The following NAA35 variants were observed in gnomAD, a reference collection of about 807,000 sequenced individuals.
NAA35 encodes the protein N-alpha-acetyltransferase 35, NatC auxiliary subunit.
Under a neutral mutation model 101.7 loss-of-function variants are expected in NAA35, and 18 were observed. The ratio of observed to expected loss-of-function variants is 0.18; its 90% CI spans 0.12 to 0.26. The LOEUF (loss-of-function observed/expected upper bound fraction) is 0.26, where lower values mean the gene tolerates loss of function less well. Among genes scored for constraint, NAA35 ranks in the 10% least tolerant of loss-of-function variants. The pLI is 1.00. For missense variants in NAA35, 601 were observed against 886.8 expected (o/e 0.68, Z 4.09); for synonymous variants, 267 against 273.1 (o/e 0.98, Z 0.22).
intron 6 of NAA35, chr9:85,966,563 T>C: frequency 9.4e-7 from 1 of 1,068,604 alleles, no homozygotes; most frequent in Non-Finnish European, 1.2e-6. Flanking sequence ...TTTCTTTCTT[T>C]TTTTTTTAAC....
chr9:85,942,879 ATTC>A (rs755878486), intron 2 of NAA35, among the ~76,000 whole-genome samples: 4 of 152,290 alleles, frequency 2.6e-5, no homozygotes, highest in South Asian at 4.1e-4. Context: ...CTTTCACACA[ATTC>A]TTCTTAAGTG....
rs1832711744 is a variant in NAA35, at chr9:86,024,753, T to G, written c.*2793T>G. On this transcript the variant is annotated 3_prime_UTR_variant, in exon 23 of 23. Transcript: ENST00000361671. ...TAGGAGACCAGGTTTGGGATAAAGA[T>G]TGCTTTAGACATTGAGATATCTTTG... Among the ~76,000 whole-genome samples, 1 of 152,112 alleles carries G rather than the reference T, an allele frequency of 6.6e-6. No homozygotes were observed. The highest frequency in any genetic ancestry group is 1.5e-5 in the Non-Finnish European group (1 of 68,012).
intron 2 of NAA35, 124 bp downstream of exon 2, chr9:85,942,407 A>C: frequency 7.7e-7 from 1 of 1,301,252 alleles, no homozygotes; most frequent in Non-Finnish European, 1.1e-6. Flanking sequence ...TTTGTTAGCC[A>C]CACTTATTCT....
Position 85,941,171 on chromosome 9 carries a change from CG to C in NAA35, c.-105del. ...ATACGCATGCGTGCACGCTGCCGGT[CG>C]GGCTGGGCTGAGAGGGGAGGGGGCG... is the stretch of plus-strand genomic sequence containing the variant. On this transcript the variant is annotated 5_prime_UTR_variant, in exon 1 of 23. Transcript: ENST00000361671. 1.0e-6 allele frequency: 1 copy of C among 985,690 alleles called. No homozygotes were observed. The highest frequency in any genetic ancestry group is 1.2e-6 in the Non-Finnish European group (1 of 830,136). 61.1% of individuals were successfully genotyped at this position (985,690 alleles called of 1,614,324 possible). A position where few individuals can be genotyped will look rare whatever the true frequency, so the allele number is the denominator to read the frequency against.
chr9:85,967,011 G>T (rs1188840247), intron 6 of NAA35, among the ~76,000 whole-genome samples: 1 of 151,696 alleles, frequency 6.6e-6, no homozygotes, highest in Non-Finnish European at 1.5e-5. Flanking sequence ...GGAGGCTGAG[G>T]TGGGAGAATC....
At chr9:85,967,219 A>T (rs986887877) in intron 6 of NAA35, among the ~76,000 whole-genome samples, 1 of 152,194 alleles carries the variant, frequency 6.6e-6, no homozygotes, top group Admixed American at 6.5e-5. Flanking sequence ...TAAATTATGG[A>T]TAATTGATTA....
intron 6 of NAA35, among the ~76,000 whole-genome samples, chr9:85,966,237 G>A (rs1829740104): frequency 6.6e-6 from 1 of 152,120 alleles, no homozygotes; most frequent in South Asian, 2.1e-4. Context: ...CACCACACCT[G>A]ACCTGTAATT....
At chr9:85,972,447 G>A in intron 6 of NAA35, among the ~76,000 whole-genome samples, 1 of 146,426 alleles carries the variant, frequency 6.8e-6, no homozygotes, top group East Asian at 2.0e-4. Flanking sequence ...GCGGGGTGGA[G>A]GTTACAGTGA....
chr9:85,988,054 A>G lies in NAA35; in HGVS notation c.878-8345A>G, dbSNP rs193135968. Among the ~76,000 whole-genome samples the G allele has an allele frequency of 2.9e-3, 439 of 152,362 alleles. 5 individuals are homozygous for G. In the South Asian group the frequency reaches 0.034, roughly 12 times the overall value. On this transcript the variant is annotated intron_variant, in intron 11 of 22. Transcript: ENST00000361671. ...GATGCTGTTGATGTTTTAGTAGTCTAGTTAACTGGTAATCTTTGTGTCAGT... is the reference window on the plus strand; with the variant it reads ...GATGCTGTTGATGTTTTAGTAGTCTGGTTAACTGGTAATCTTTGTGTCAGT...
At chr9:85,987,477 GC>G (rs1830701280) in intron 11 of NAA35, among the ~76,000 whole-genome samples, 1 of 152,188 alleles carries the variant, frequency 6.6e-6, no homozygotes, top group Admixed American at 6.5e-5. Context: ...AAAATCACAA[GC>G]CGTTAGAGAG....
At chr9:86,009,816 C>T in intron 14 of NAA35, 49 bp from the exon 15 acceptor site, 1 of 1,446,730 alleles carries the variant, frequency 6.9e-7, no homozygotes, top group South Asian at 1.2e-5. Context: ...ATTGCTGCTG[C>T]TTTTGTTTGG....
At chr9:85,961,644 G>A (rs1057169683) in intron 5 of NAA35, among the ~76,000 whole-genome samples, 1 of 152,112 alleles carries the variant, frequency 6.6e-6, no homozygotes, top group Non-Finnish European at 1.5e-5. Flanking sequence ...GGGTTGTGGT[G>A]GTAAGGATTA....
intron 21 of NAA35, among the ~76,000 whole-genome samples, chr9:86,020,218 T>C (rs1260183145): frequency 1.3e-5 from 2 of 152,164 alleles, no homozygotes; most frequent in African/African-American, 4.8e-5. Context: ...GGAGAGACAC[T>C]TTTTAAAAAT....
At chr9:85,948,072 A>G (rs932655982) in intron 2 of NAA35, among the ~76,000 whole-genome samples, 12 of 152,074 alleles carry the variant, frequency 7.9e-5, no homozygotes, top group African/African-American at 2.9e-4. Flanking sequence ...TTATTTTGAT[A>G]TTTATTTTGC....
intron 11 of NAA35, among the ~76,000 whole-genome samples, chr9:85,989,114 A>C (rs776648766): frequency 2.0e-5 from 3 of 152,224 alleles, no homozygotes; most frequent in African/African-American, 4.8e-5. Flanking sequence ...TATTGGCTTC[A>C]TGGTTCTTCA....
At chr9:86,012,827 C>T (rs1040068910) in intron 15 of NAA35, among the ~76,000 whole-genome samples, 2 of 152,158 alleles carry the variant, frequency 1.3e-5, no homozygotes, top group Non-Finnish European at 2.9e-5. Flanking sequence ...CATATGAAAG[C>T]AAGTTTCACA....
intron 15 of NAA35, 128 bp downstream of exon 15, chr9:86,010,059 T>TG: frequency 1.4e-6 from 1 of 690,642 alleles, no homozygotes; most frequent in South Asian, 1.7e-5. Flanking sequence ...GAGACCAGCC[T>TG]GGCCAACATA....
At chr9:85,950,628 A>T (rs1828977675) in intron 2 of NAA35, among the ~76,000 whole-genome samples, 2 of 152,142 alleles carry the variant, frequency 1.3e-5, no homozygotes, top group Admixed American at 1.3e-4. Flanking sequence ...AGAGTGTTTG[A>T]CTTGCTTCTA....
In NAA35 at chr9:85,977,458, CAATAT is replaced by C. The variant is rs1306693559; in HGVS notation, c.762+18_762+22del. The C allele has an allele frequency of 6.4e-7, 1 of 1,552,318 alleles. No homozygotes were observed. The highest frequency in any genetic ancestry group is 8.9e-7 in the Non-Finnish European group (1 of 1,125,742). The stretch of plus-strand genomic sequence containing the variant: ...TTACTAAGAAAGAGGTAAGGGCATT[CAATAT>C]AATATGTCTATTTGTTTTAGTGATT... On this transcript the variant is annotated intron_variant, in intron 10 of 22. Transcript: ENST00000361671.
Sources: gnomAD v4.1 joint callset for allele counts (sites outside exome capture counted in the v4.1 genomes callset) on GRCh38, gnomAD v4.1.1 for gene constraint, MANE v1.5 for transcripts, NCBI Gene and HGNC (gene_info 2026-07-23, HGNC 2026-07-21) for gene names.